Variants in DMD observed in about 807,000 individuals in gnomAD.
DMD encodes dystrophin.
A neutral mutation model predicts 330.1 loss-of-function variants in DMD; 63 were observed. The observed-to-expected ratio is 0.19, with a 90% CI of 0.16 to 0.24. The LOEUF (loss-of-function observed/expected upper bound fraction) is 0.24. Among genes scored for constraint, DMD ranks in the 10% least tolerant of loss-of-function variants. The pLI, the probability that DMD is intolerant of heterozygous loss-of-function variation, is 1.00. For missense variants in DMD, 3,344 were observed against 2,684.1 expected (o/e 1.25, Z -5.43); for synonymous variants, 1,223 against 959.8 (o/e 1.27, Z -5.07).
chrX:33,025,455 G>A (rs778284282), intron 1 of DMD, among the ~76,000 whole-genome samples: 3 of 107,302 alleles, frequency 2.8e-5, no homozygotes, highest in South Asian at 7.7e-4. Context: ...GTAAGTGAAA[G>A]CATTTAAAAA....
chrX:31,326,946 A>C, intron 61 of DMD, among the ~76,000 whole-genome samples: 2 of 112,331 alleles, frequency 1.8e-5, no homozygotes, highest in South Asian at 7.4e-4. Context: ...TTCTTCATAA[A>C]GCTAGCCTAC....
intron 30 of DMD, among the ~76,000 whole-genome samples, chrX:32,407,214 G>A (rs1022338342): frequency 1.1e-4 from 12 of 109,665 alleles, no homozygotes; most frequent in African/African-American, 3.6e-4. Flanking sequence ...GAAGATTTTC[G>A]CAACCTACTC....
intron 7 of DMD, among the ~76,000 whole-genome samples, chrX:32,773,262 GTTAA>G (rs2073813406): frequency 1.8e-5 from 2 of 110,973 alleles, no homozygotes; most frequent in African/African-American, 3.3e-5. Flanking sequence ...GTTCATTTTC[GTTAA>G]TTATTTTAGT....
At chrX:32,900,705 C>G (rs1430989408) in intron 2 of DMD, among the ~76,000 whole-genome samples, 1 of 110,650 alleles carries the variant, frequency 9.0e-6, no homozygotes, top group Non-Finnish European at 1.9e-5. Flanking sequence ...CTCTATATTC[C>G]TTACACATGT....
intron 43 of DMD, among the ~76,000 whole-genome samples, chrX:32,220,271 A>C (rs2097127834): frequency 8.9e-6 from 1 of 112,042 alleles, no homozygotes; most frequent in South Asian, 3.7e-4. Flanking sequence ...ACCTAATAAA[A>C]ATGACTTATG....
intron 1 of DMD, among the ~76,000 whole-genome samples, chrX:33,245,600 A>G (rs542560704): frequency 8.9e-6 from 1 of 112,226 alleles, no homozygotes; most frequent in African/African-American, 3.2e-5. Flanking sequence ...AGTCTAGAGA[A>G]CTGGCTGGCC....
At chrX:31,691,577 A>T (rs1410200657) in intron 52 of DMD, among the ~76,000 whole-genome samples, 2 of 112,076 alleles carry the variant, frequency 1.8e-5, no homozygotes. Context: ...ACATGCATAG[A>T]CTGAAAGTAA....
intron 71 of DMD, among the ~76,000 whole-genome samples, chrX:31,174,024 T>A (rs759688763): frequency 9.0e-6 from 1 of 111,626 alleles, no homozygotes; most frequent in African/African-American, 3.3e-5. Context: ...GGATCAAAGC[T>A]GTATATCTGC....
Position 31,874,229 on chromosome X carries a change from G to C in DMD, c.7098+959C>G, listed in dbSNP as rs2093934726. 3.6e-5 allele frequency among the ~76,000 whole-genome samples: 4 copies of C among 111,396 alleles called. No homozygotes were observed. In the South Asian group the frequency reaches 1.5e-3, roughly 42 times the overall value. On this transcript the variant is annotated intron_variant, in intron 48 of 78. Transcript: ENST00000357033. ...AATAAACTGAAAGAAGTCATTTAAA[G>C]AAGAGAGAAAACCAAGATCACAGGT...
At position 31,301,918 on chromosome X, in the gene DMD, T is replaced by C. The variant is rs754935573; in HGVS notation, c.9224+21680A>G. ...CTCTGGAGGAAGGGAAAGAAATAATTGTAAAGACCACATCCCCAAGACCCA... is the reference window on the plus strand; with the variant it reads ...CTCTGGAGGAAGGGAAAGAAATAATCGTAAAGACCACATCCCCAAGACCCA... On this transcript the variant is annotated intron_variant, in intron 62 of 78. Coordinates refer to ENST00000357033, the MANE Select transcript of DMD (RefSeq NM_004006.3). 3.6e-5 allele frequency among the ~76,000 whole-genome samples: 4 copies of C among 111,515 alleles called. No homozygotes were observed. In the South Asian group the frequency reaches 1.5e-3, roughly 42 times the overall value.
At chrX:31,180,506 G>T in intron 68 of DMD, 25 bp from the exon 69 acceptor site, 1 of 975,773 alleles carries the variant, frequency 1.0e-6, no homozygotes, top group Non-Finnish European at 1.5e-6. Flanking sequence ...AAACAAACAC[G>T]TATGTATTTC....
At chrX:32,447,374 G>C (rs758139806) in intron 27 of DMD, among the ~76,000 whole-genome samples, 1 of 110,545 alleles carries the variant, frequency 9.0e-6, no homozygotes, top group South Asian at 3.7e-4. Context: ...AGAGTCTGAG[G>C]AGTGAATTGC....
intron 62 of DMD, among the ~76,000 whole-genome samples, chrX:31,300,225 G>A (rs182022791): frequency 1.9e-4 from 21 of 112,262 alleles, no homozygotes; most frequent in African/African-American, 6.8e-4. Context: ...ACAAAAAACC[G>A]ATGGTGTATT....
chrX:33,067,394 CAAAG>C (rs926968464), intron 1 of DMD, among the ~76,000 whole-genome samples: 42 of 112,076 alleles, frequency 3.7e-4, no homozygotes, highest in Non-Finnish European at 6.4e-4. Context: ...AGATTCCAGG[CAAAG>C]AAAGAAGAGA....
chrX:31,765,553 G>A (rs922487222), intron 51 of DMD, among the ~76,000 whole-genome samples: 1 of 111,608 alleles, frequency 9.0e-6, no homozygotes, highest in Admixed American at 9.5e-5. Flanking sequence ...ACTGTAACTC[G>A]AGGTATCAAA....
intron 78 of DMD, among the ~76,000 whole-genome samples, chrX:31,123,528 G>A (rs1055148019): frequency 8.9e-6 from 1 of 111,992 alleles, no homozygotes; most frequent in Non-Finnish European, 1.9e-5. Context: ...TTAGAGCTCA[G>A]AGTACAAATA....
intron 1 of DMD, among the ~76,000 whole-genome samples, chrX:33,332,368 C>T (rs1387106530): frequency 9.0e-6 from 1 of 111,652 alleles, no homozygotes; most frequent in Non-Finnish European, 1.9e-5. Context: ...TAAGTTTTTG[C>T]TTACTTGCAA....
chrX:33,167,209 T>A (rs1193383441), intron 1 of DMD, among the ~76,000 whole-genome samples: 1 of 111,782 alleles, frequency 8.9e-6, no homozygotes, highest in Non-Finnish European at 1.9e-5. Flanking sequence ...TGGAGAGTAA[T>A]CCATATTATT....
intron 29 of DMD, among the ~76,000 whole-genome samples, chrX:32,436,422 T>A (rs1162719821): frequency 1.8e-5 from 2 of 111,671 alleles, no homozygotes; most frequent in Non-Finnish European, 3.8e-5. Flanking sequence ...AGTTTATGCT[T>A]TAAAAACTCA....
Sources: allele counts gnomAD v4.1 joint callset (sites outside exome capture counted in the v4.1 genomes callset), GRCh38; gene constraint gnomAD v4.1.1; transcripts MANE v1.5; gene names NCBI Gene and HGNC (gene_info 2026-07-23, HGNC 2026-07-21).